The following STX8 variants were observed in gnomAD, a reference collection of about 807,000 sequenced individuals.
The protein encoded by STX8 is syntaxin 8, also known as syntaxin-8.
Under a neutral mutation model 37.5 loss-of-function variants are expected in STX8, and 23 were observed. The ratio of observed to expected loss-of-function variants is 0.61; its 90% CI spans 0.44 to 0.87. The LOEUF is 0.87. Ranked by LOEUF, STX8 falls within the 40% of genes least tolerant of loss-of-function variation. The pLI, the probability that STX8 is intolerant of heterozygous loss-of-function variation, is 0.00. For missense variants in STX8, 313 were observed against 284.7 expected, an observed-to-expected ratio of 1.10 and a Z score of -0.71; for synonymous variants, 115 against 99.1, an observed-to-expected ratio of 1.16 and a Z score of -0.95.
At chr17:9,499,638 T>C (rs1014188635) in intron 5 of STX8, among the ~76,000 whole-genome samples, 1 of 152,230 alleles carries the variant, frequency 6.6e-6, no homozygotes, top group Admixed American at 6.5e-5. Flanking sequence ...GACCTTGTGA[T>C]GTGCTTGCCT....
chr17:9,262,313 A>G (rs1907067472), intron 7 of STX8, among the ~76,000 whole-genome samples: 1 of 152,180 alleles, frequency 6.6e-6, no homozygotes, highest in Admixed American at 6.5e-5. Flanking sequence ...AACAGACCTC[A>G]AGTGAGGCCA....
intron 6 of STX8, among the ~76,000 whole-genome samples, chr17:9,380,399 T>C (rs926376684): frequency 6.6e-6 from 1 of 151,868 alleles, no homozygotes; most frequent in African/African-American, 2.4e-5. Context: ...ACTGTAAGCA[T>C]GTGCCACCAC....
At chr17:9,436,250 CAGG>C (rs1251730912) in intron 6 of STX8, among the ~76,000 whole-genome samples, 1 of 150,132 alleles carries the variant, frequency 6.7e-6, no homozygotes, top group Non-Finnish European at 1.5e-5. Context: ...GGGGCTGAGG[CAGG>C]AGAATGGCAT....
chr17:9,545,031 G>T (rs1176115399), intron 4 of STX8, 141 bp downstream of exon 4: 1 of 610,944 alleles, frequency 1.6e-6, no homozygotes, highest in Non-Finnish European at 2.9e-6. Flanking sequence ...ACTAAATTGA[G>T]TAGAAAATTA....
At chr17:9,330,426 AC>A (rs1222414314) in intron 7 of STX8, among the ~76,000 whole-genome samples, 1 of 151,256 alleles carries the variant, frequency 6.6e-6, no homozygotes, top group African/African-American at 2.4e-5. Context: ...AACCACTCCC[AC>A]CCCCCAACCC....
At chr17:9,278,864 C>A (rs1045534565) in intron 7 of STX8, among the ~76,000 whole-genome samples, 1 of 151,914 alleles carries the variant, frequency 6.6e-6, no homozygotes, top group Admixed American at 6.6e-5. Flanking sequence ...GCTAAAGGGG[C>A]ACTGGAAGGG....
intron 2 of STX8, among the ~76,000 whole-genome samples, chr17:9,560,559 C>T (rs1428470777): frequency 6.6e-6 from 1 of 152,004 alleles, no homozygotes; most frequent in East Asian, 1.9e-4. Context: ...TAAAAAATAT[C>T]TAGCACAGTG....
At chr17:9,288,437 G>A (rs977842468) in intron 7 of STX8, among the ~76,000 whole-genome samples, 1 of 151,892 alleles carries the variant, frequency 6.6e-6, no homozygotes. Flanking sequence ...CGAGACGGGT[G>A]GATCACGAGA....
chr17:9,450,035 T>A (rs992596947), intron 6 of STX8, among the ~76,000 whole-genome samples: 15 of 149,658 alleles, frequency 1.0e-4, no homozygotes, highest in African/African-American at 3.5e-4. Context: ...AGTATATATA[T>A]CAAAACTCAT....
chr17:9,331,765 G>C (rs1232909009), intron 7 of STX8, among the ~76,000 whole-genome samples: 1 of 151,610 alleles, frequency 6.6e-6, no homozygotes, highest in Non-Finnish European at 1.5e-5. Context: ...TCCTCCGCCT[G>C]TTCTCTCTCT....
At chr17:9,530,303 T>G in intron 4 of STX8, among the ~76,000 whole-genome samples, 1 of 72,922 alleles carries the variant, frequency 1.4e-5, no homozygotes, top group Non-Finnish European at 2.8e-5. Context: ...AGAGTGAGAC[T>G]CCGTCTCAAA....
In STX8 at chr17:9,439,620, C is replaced by T. The variant is rs112737979; in HGVS notation, c.541+52209G>A. ...AAGTGATTCTCCTGCCTCAGCCTCC[C>T]GAGCAGCTGGGACTACAGGTGCGTG... On this transcript the variant is annotated intron_variant, in intron 6 of 7. Coordinates refer to ENST00000306357, the MANE Select transcript of STX8 (RefSeq NM_004853.3). Among the ~76,000 whole-genome samples the T allele has an allele frequency of 3.3e-5, 5 of 151,634 alleles. No individual in the cohort carries two copies. The East Asian group carries it at 7.8e-4, about 24-fold the overall frequency.
chr17:9,339,624 T>C (rs1383316668), intron 7 of STX8, among the ~76,000 whole-genome samples: 2 of 152,074 alleles, frequency 1.3e-5, no homozygotes, highest in African/African-American at 4.8e-5. Context: ...ACTGCGCCAC[T>C]GTACTCCAGC....
chr17:9,299,610 A>AT (rs1425077416), intron 7 of STX8, among the ~76,000 whole-genome samples: 1 of 151,790 alleles, frequency 6.6e-6, no homozygotes, highest in African/African-American at 2.4e-5. Context: ...CACCCGGCTA[A>AT]TTTTTTGTAT....
At chr17:9,571,182 C>T (rs1273582251) in intron 1 of STX8, among the ~76,000 whole-genome samples, 1 of 152,106 alleles carries the variant, frequency 6.6e-6, no homozygotes, top group Non-Finnish European at 1.5e-5. Context: ...AGCACAAACT[C>T]CCAGGTGTCC....
rs55811417 is a variant in STX8, at chr17:9,296,500, CA to C, written c.644-45856del. Among the ~76,000 whole-genome samples, 326 of 123,134 alleles carry C rather than the reference CA, an allele frequency of 2.6e-3. 1 individual carries two copies. Among genetic ancestry groups the C allele is most frequent in the Middle Eastern group, 4.6e-3 (1 of 216 alleles). The allele number at this position is 123,134 out of a possible 152,430, so 80.8% of individuals were successfully genotyped here. A position where few individuals can be genotyped will look rare whatever the true frequency, so the allele number is the denominator to read the frequency against. ...GCAACGAGAGTGAAACTCCATCTCT[CA>C]AAAAAAAAAAAAAATGTATATTAGT... On this transcript the variant is annotated intron_variant, in intron 7 of 7. Transcript: ENST00000306357.
intron 4 of STX8, among the ~76,000 whole-genome samples, chr17:9,529,295 G>A (rs889401842): frequency 6.6e-6 from 1 of 152,142 alleles, no homozygotes; most frequent in Non-Finnish European, 1.5e-5. Context: ...GCACACGCAT[G>A]TGTGTGTATC....
intron 1 of STX8, among the ~76,000 whole-genome samples, chr17:9,568,810 TAAAAG>T (rs1672316677): frequency 6.6e-6 from 1 of 152,216 alleles, no homozygotes; most frequent in Non-Finnish European, 1.5e-5. Context: ...TAAGGTTCTT[TAAAAG>T]AAATTTTTGC....
chr17:9,360,227 C>CTTTTTTTTTTTTTTTTT (rs58213453), intron 7 of STX8, among the ~76,000 whole-genome samples: 4 of 72,610 alleles, frequency 5.5e-5, no homozygotes, highest in African/African-American at 2.1e-4. Context: ...AATTAACCGT[C>CTTTTTTTTTTTTTTTTT]TTTTTTTTTT....
Sources: allele counts gnomAD v4.1 joint callset (sites outside exome capture counted in the v4.1 genomes callset), GRCh38; gene constraint gnomAD v4.1.1; transcripts MANE v1.5; gene names NCBI Gene and HGNC (gene_info 2026-07-23, HGNC 2026-07-21).